Variants in AKT2 observed in about 807,000 individuals in gnomAD.
The protein encoded by AKT2 is AKT serine/threonine kinase 2.
AKT2 carries 16 observed loss-of-function variants against 58.6 expected under a neutral mutation model. The observed-to-expected ratio is 0.27, with a 90% CI of 0.18 to 0.41. AKT2 has a LOEUF of 0.41. Among genes scored for constraint, AKT2 ranks in the 10% least tolerant of loss-of-function variants. The probability of loss-of-function intolerance (pLI) is 1.00; values close to 1 mark genes in which losing one functional copy is unlikely to be tolerated. For synonymous variants in AKT2, 253 were observed against 254.0 expected (o/e 1.00, Z 0.04); for missense variants, 438 against 661.0 (o/e 0.66, Z 3.70).
At chr19:40,236,582 C>T in intron 9 of AKT2, 197 bp from the exon 10 acceptor site, 1 of 697,964 alleles carries the variant, frequency 1.4e-6, no homozygotes, top group Non-Finnish European at 2.4e-6. Flanking sequence ...TGGCCCACCC[C>T]CATGGTACCT....
rs767502489 is a variant in AKT2, at chr19:40,235,447, T to C, written c.1176-97A>G. 5.5e-6 allele frequency: 6 copies of C among 1,095,468 alleles called. No individual in the cohort carries two copies. The highest frequency in any genetic ancestry group is 8.2e-6 in the Non-Finnish European group (6 of 728,496). 67.9% of individuals were successfully genotyped at this position (1,095,468 alleles called of 1,614,324 possible). On this transcript the variant is annotated intron_variant, in intron 11 of 13. Transcript: ENST00000392038. The surrounding 1 kb of genome is among the most constrained non-coding windows in gnomAD (Gnocchi z 6.3). ...GCAGGCCCTGTATGGCCCTTAATGA[T>C]TCTGTCTTGACCACAAACCACTTCA...
chr19:40,250,777 G>A (rs1017603618), intron 4 of AKT2, among the ~76,000 whole-genome samples: 1 of 151,674 alleles, frequency 6.6e-6, no homozygotes, highest in Non-Finnish European at 1.5e-5. Context: ...GCAGTGAGTC[G>A]TGATTCTGCC....
chr19:40,247,045 G>A (rs1974804324), intron 4 of AKT2, among the ~76,000 whole-genome samples: 1 of 152,242 alleles, frequency 6.6e-6, no homozygotes, highest in Non-Finnish European at 1.5e-5. Flanking sequence ...CAGCAATGCA[G>A]GAGGTTATCT....
At chr19:40,260,829 T>C (rs181248294) in intron 2 of AKT2, among the ~76,000 whole-genome samples, 190 of 152,072 alleles carry the variant, frequency 1.2e-3, no homozygotes, top group Admixed American at 2.8e-3. Context: ...CTGCCTGTAG[T>C]CCCAGCTACT....
At chr19:40,271,483 C>T (rs2077216067) in intron 1 of AKT2, among the ~76,000 whole-genome samples, 1 of 148,716 alleles carries the variant, frequency 6.7e-6, no homozygotes, top group South Asian at 2.1e-4. Flanking sequence ...AGTGGTGTAA[C>T]AGGCAGCATC....
chr19:40,252,278 G>A (rs1329762021), intron 4 of AKT2, among the ~76,000 whole-genome samples: 1 of 152,180 alleles, frequency 6.6e-6, no homozygotes, highest in Non-Finnish European at 1.5e-5. Flanking sequence ...CCCACCCATA[G>A]TTAAGGTCAG....
Position 40,235,504 on chromosome 19 carries a change from C to T in AKT2, c.1176-154G>A. 1 of 766,048 alleles carries T rather than the reference C, an allele frequency of 1.3e-6. No individual in the cohort carries two copies. The highest frequency in any genetic ancestry group is 1.5e-5 in the South Asian group (1 of 66,222). 47.5% of individuals were successfully genotyped at this position (766,048 alleles called of 1,614,324 possible). A position where few individuals can be genotyped will look rare whatever the true frequency, so the allele number is the denominator to read the frequency against. Reference sequence around the variant, plus strand: ...AGGAAACCGAGGCTCAGGGAGGGAGCTCACGTGCCCAGGGTCAGAGCCAGG... The same window carrying T: ...AGGAAACCGAGGCTCAGGGAGGGAGTTCACGTGCCCAGGGTCAGAGCCAGG... On this transcript the variant is annotated intron_variant, in intron 11 of 13. Coordinates refer to ENST00000392038, the MANE Select transcript of AKT2 (RefSeq NM_001626.6). This position sits in a 1 kb window ranked among gnomAD's most constrained non-coding sequence, Gnocchi z 6.3.
rs2145400938 is a variant in AKT2, at chr19:40,272,277, A to G, written c.-84-6926T>C. ...TCTGGACTGGGGTCCTTGTTTGCCC[A>G]CTTTCTAGACTCCCAAGCCTCCGTT... On this transcript the variant is annotated intron_variant, in intron 1 of 13. Coordinates refer to ENST00000392038, the MANE Select transcript of AKT2 (RefSeq NM_001626.6). Among the ~76,000 whole-genome samples, 3 of 152,316 alleles carry G rather than the reference A, an allele frequency of 2.0e-5. No individual in the cohort carries two copies. The South Asian group carries it at 6.2e-4, about 32-fold the overall frequency.
chr19:40,254,542 A>AG lies in AKT2; in HGVS notation c.287+615dup, dbSNP rs1211778096. 8.0e-4 allele frequency among the ~76,000 whole-genome samples: 120 copies of AG among 150,008 alleles called. 2 individuals carry two copies. Among genetic ancestry groups the AG allele is most frequent in the Non-Finnish European group, 1.1e-3 (74 of 67,538 alleles). The stretch of plus-strand genomic sequence containing the variant: ...GACTCTGTCTCAAAAAAAAAAAAAA[A>AG]GGGGGTCAGGTGTGGTGGCTTGCAC... On this transcript the variant is annotated intron_variant, in intron 4 of 13. Transcript: ENST00000392038.
At chr19:40,271,253 G>GTA (rs2077209879) in intron 1 of AKT2, among the ~76,000 whole-genome samples, 2 of 140,020 alleles carry the variant, frequency 1.4e-5, no homozygotes, top group Admixed American at 7.2e-5. Flanking sequence ...ATATATACAC[G>GTA]TATATATACA....
rs900382192 is a variant in AKT2, at chr19:40,232,384, A to G, written c.*1488T>C. On this transcript the variant is annotated 3_prime_UTR_variant, in exon 14 of 14. Coordinates refer to ENST00000392038, the MANE Select transcript of AKT2 (RefSeq NM_001626.6). ...GTACCGTACAAATATGAAGACGAGG[A>G]GAAAGGCCAGTAGGGACGGAGAACT... 1 of 233,648 alleles carries G rather than the reference A, an allele frequency of 4.3e-6. No individual in the cohort carries two copies. The highest frequency in any genetic ancestry group is 8.5e-6 in the Non-Finnish European group (1 of 118,082). 14.5% of individuals were successfully genotyped at this position (233,648 alleles called of 1,614,324 possible). A position where few individuals can be genotyped will look rare whatever the true frequency, so the allele number is the denominator to read the frequency against.
At chr19:40,285,005 C>A (rs1300600637) in intron 1 of AKT2, 176 bp downstream of exon 1, 1 of 378,172 alleles carries the variant, frequency 2.6e-6, no homozygotes, top group Non-Finnish European at 4.7e-6. Flanking sequence ...CCCCGGCCCC[C>A]CGAGGCTGGT....
chr19:40,278,321 C>T (rs921764003), intron 1 of AKT2, among the ~76,000 whole-genome samples: 4 of 152,312 alleles, frequency 2.6e-5, no homozygotes, highest in African/African-American at 9.6e-5. Context: ...CGGGGACGAT[C>T]GGGACAGCGA....
intron 1 of AKT2, chr19:40,274,997 C>T (rs2077284967): frequency 2.2e-6 from 1 of 448,916 alleles, no homozygotes; most frequent in Non-Finnish European, 4.5e-6. Flanking sequence ...CAGAATAAGC[C>T]CTGGGCACTG....
intron 1 of AKT2, among the ~76,000 whole-genome samples, chr19:40,283,773 C>G (rs1478515838): frequency 6.6e-6 from 1 of 152,200 alleles, no homozygotes; most frequent in Non-Finnish European, 1.5e-5. Flanking sequence ...AGCAGCCTTC[C>G]TCCCTGGGCC....
chr19:40,253,485 G>C (rs1975316135), intron 4 of AKT2, among the ~76,000 whole-genome samples: 2 of 151,840 alleles, frequency 1.3e-5, no homozygotes, highest in African/African-American at 4.8e-5. Flanking sequence ...TTCAGAATAG[G>C]AACTCACATG....
intron 1 of AKT2, chr19:40,284,906 C>A: frequency 3.4e-6 from 1 of 294,974 alleles, no homozygotes; most frequent in Non-Finnish European, 6.2e-6. Context: ...GTCCAGCCCC[C>A]GGCCCGCGCA....
intron 2 of AKT2, among the ~76,000 whole-genome samples, chr19:40,263,396 C>T (rs1377204355): frequency 6.6e-6 from 1 of 152,216 alleles, no homozygotes; most frequent in Non-Finnish European, 1.5e-5. Context: ...GAAGAAGCCT[C>T]ATGAAAATGC....
chr19:40,260,548 T>C (rs1975861624), intron 2 of AKT2, among the ~76,000 whole-genome samples: 1 of 136,594 alleles, frequency 7.3e-6, no homozygotes, highest in Non-Finnish European at 1.5e-5. Flanking sequence ...GAGAATCACT[T>C]GAACCCAGGA....
Sources: gnomAD v4.1 joint callset for allele counts (sites outside exome capture counted in the v4.1 genomes callset) on GRCh38, gnomAD v4.1.1 for gene constraint, Gnocchi (gnomAD v3.1) non-coding constraint, MANE v1.5 for transcripts, NCBI Gene and HGNC (gene_info 2026-07-23, HGNC 2026-07-21) for gene names.